The following MTMR8 variants were observed in gnomAD, a reference collection of about 807,000 sequenced individuals.
The protein encoded by MTMR8 is phosphatidylinositol-3,5-bisphosphate 3-phosphatase MTMR8.
In MTMR8, 65 loss-of-function variants were observed where a neutral mutation model predicts 39.3. That is an observed-to-expected ratio of 1.65 (90% confidence interval 1.35 to 2.03). The LOEUF is 2.03. Among genes scored for constraint, MTMR8 ranks in the 30% most tolerant of loss-of-function variants. The probability of loss-of-function intolerance (pLI) is 0.00; values close to 1 mark genes in which losing one functional copy is unlikely to be tolerated. For missense variants in MTMR8, 777 were observed against 538.9 expected, an observed-to-expected ratio of 1.44 and a Z score of -4.37; for synonymous variants, 245 against 185.2, an observed-to-expected ratio of 1.32 and a Z score of -2.62.
At chrX:64,293,420 A>G (rs1262079482) in intron 12 of MTMR8, among the ~76,000 whole-genome samples, 1 of 111,482 alleles carries the variant, frequency 9.0e-6, no homozygotes, top group African/African-American at 3.3e-5. Flanking sequence ...AGTAAACAAA[A>G]GGGGTTACAT....
chrX:64,344,145 A>T (rs933346316), intron 7 of MTMR8, among the ~76,000 whole-genome samples: 3 of 111,682 alleles, frequency 2.7e-5, no homozygotes, highest in Non-Finnish European at 3.8e-5. Flanking sequence ...GGTTGAAAAA[A>T]AAAATACCAG....
intron 12 of MTMR8, among the ~76,000 whole-genome samples, chrX:64,312,028 C>T (rs1922320326): frequency 1.8e-5 from 2 of 110,775 alleles, no homozygotes; most frequent in African/African-American, 6.6e-5. Flanking sequence ...CAGTTTTTTC[C>T]AATTCTGTGA....
intron 12 of MTMR8, among the ~76,000 whole-genome samples, chrX:64,287,881 A>G (rs1219463644): frequency 9.5e-6 from 1 of 105,711 alleles, no homozygotes; most frequent in African/African-American, 3.4e-5. Flanking sequence ...AAACCTAGAC[A>G]ATACCTTTCA....
chrX:64,381,375 C>A (rs1007724155), intron 1 of MTMR8, among the ~76,000 whole-genome samples: 3 of 110,322 alleles, frequency 2.7e-5, no homozygotes, highest in Non-Finnish European at 5.7e-5. Flanking sequence ...TTTCATGTGT[C>A]TTTTGGCTGC....
chrX:64,314,466 G>C (rs1922404704), intron 12 of MTMR8, among the ~76,000 whole-genome samples: 1 of 112,715 alleles, frequency 8.9e-6, no homozygotes, highest in South Asian at 3.7e-4. Context: ...GTGCAGGACT[G>C]TGTCCACCCT....
At chrX:64,332,108 G>A (rs1046575108) in intron 10 of MTMR8, among the ~76,000 whole-genome samples, 17 of 111,985 alleles carry the variant, frequency 1.5e-4, no homozygotes, top group Non-Finnish European at 2.4e-4. Flanking sequence ...CTGTGACTGA[G>A]GAACTGAATT....
Position 64,391,095 on chromosome X carries a change from T to C in MTMR8, c.24+4245A>G, listed in dbSNP as rs924620343. On this transcript the variant is annotated intron_variant, in intron 1 of 13. Coordinates refer to ENST00000374852, the MANE Select transcript of MTMR8 (RefSeq NM_017677.4). ...ATCCCCATTCCTCATTTAGATAATCTTTTAAAAGGTCCTTTCTAACTTTTC... is the reference window on the plus strand; with the variant it reads ...ATCCCCATTCCTCATTTAGATAATCCTTTAAAAGGTCCTTTCTAACTTTTC... Among the ~76,000 whole-genome samples, 11 of 112,472 alleles carry C rather than the reference T, an allele frequency of 9.8e-5. 1 individual carries two copies. Among genetic ancestry groups the C allele is most frequent in the South Asian group, 3.6e-4 (1 of 2,754 alleles).
At chrX:64,327,253 C>A (rs1408344803) in intron 12 of MTMR8, among the ~76,000 whole-genome samples, 11 of 111,530 alleles carry the variant, frequency 9.9e-5, no homozygotes, top group Middle Eastern at 9.3e-3. Flanking sequence ...AGAGATAACC[C>A]ACAGAATGGA....
At chrX:64,347,564 C>A (rs1923375967) in intron 6 of MTMR8, among the ~76,000 whole-genome samples, 1 of 111,922 alleles carries the variant, frequency 8.9e-6, no homozygotes, top group African/African-American at 3.2e-5. Context: ...TCTAAGGCAA[C>A]TATCTGGTTT....
In MTMR8 at chrX:64,268,816, A is replaced by T; in HGVS notation, c.1836T>A (p.Cys612Ter). The change falls in exon 14 of 14, where the codon TGT becomes TGA. Residue 612 changes from cysteine (C) to a stop codon, truncating the protein, a stop_gained. Coordinates refer to ENST00000374852, the MANE Select transcript of MTMR8 (RefSeq NM_017677.4). LOFTEE classifies it low-confidence loss of function (END_TRUNC). ...CCCTAAGGCTGCCCACAATCTCACA[A>T]CAGTTATGGTGGAGGTCTGCACCCT... is the stretch of plus-strand genomic sequence containing the variant. Reference protein sequence around the residue: ...KSQGADLHHNCCEIVGSLRAI... With the variant: ...KSQGADLHHN 1 of 1,211,510 alleles carries T rather than the reference A, an allele frequency of 8.3e-7. No homozygotes were observed. The highest frequency in any genetic ancestry group is 1.1e-6 in the Non-Finnish European group (1 of 895,462).
intron 1 of MTMR8, among the ~76,000 whole-genome samples, chrX:64,387,053 C>T (rs778371157): frequency 1.8e-5 from 2 of 110,525 alleles, no homozygotes; most frequent in South Asian, 7.7e-4. Flanking sequence ...GGCCTTGTCT[C>T]AAAAAAGAAA....
At chrX:64,289,220 C>T (rs1452489773) in intron 12 of MTMR8, among the ~76,000 whole-genome samples, 6 of 110,456 alleles carry the variant, frequency 5.4e-5, no homozygotes, top group Non-Finnish European at 1.1e-4. Context: ...TATCACCTCA[C>T]ACCCATTAGA....
intron 12 of MTMR8, among the ~76,000 whole-genome samples, chrX:64,303,100 TC>T (rs1339719029): frequency 8.9e-6 from 1 of 112,299 alleles, no homozygotes; most frequent in Admixed American, 9.4e-5. Flanking sequence ...GTCACTATAA[TC>T]CCCACCAGGA....
At chrX:64,291,019 T>C (rs1921377297) in intron 12 of MTMR8, among the ~76,000 whole-genome samples, 1 of 111,948 alleles carries the variant, frequency 8.9e-6, no homozygotes, top group South Asian at 3.7e-4. Flanking sequence ...GGCATTTGCA[T>C]ATTCAATTTT....
chrX:64,368,601 A>C (rs1347178485), intron 1 of MTMR8, among the ~76,000 whole-genome samples: 5 of 112,061 alleles, frequency 4.5e-5, no homozygotes, highest in African/African-American at 1.6e-4. Context: ...CTTATACAAA[A>C]ATTAATTCAA....
rs755538462 is a variant in MTMR8 at position 64,352,056 on chromosome X, A to T, written c.469-1986T>A. Among the ~76,000 whole-genome samples, 3 of 111,904 alleles carry T rather than the reference A, an allele frequency of 2.7e-5. No individual in the cohort carries two copies. In the East Asian group the frequency reaches 8.5e-4, roughly 32 times the overall value. Reference sequence around the variant, plus strand: ...GAAAGGCCTACTTGCATTGTGCTTAAAACTGTTTGTACAAACAATGTGGCT... The same window carrying T: ...GAAAGGCCTACTTGCATTGTGCTTATAACTGTTTGTACAAACAATGTGGCT... On this transcript the variant is annotated intron_variant, in intron 4 of 13. Coordinates refer to ENST00000374852, the MANE Select transcript of MTMR8 (RefSeq NM_017677.4).
intron 12 of MTMR8, among the ~76,000 whole-genome samples, chrX:64,326,884 G>GA (rs755994207): frequency 1.6e-4 from 17 of 108,392 alleles, no homozygotes; most frequent in Non-Finnish European, 2.5e-4. Context: ...AGAGAGCCCA[G>GA]AAAAAAAATG....
chrX:64,386,165 T>C, intron 1 of MTMR8, among the ~76,000 whole-genome samples: 1 of 112,126 alleles, frequency 8.9e-6, no homozygotes, highest in Middle Eastern at 4.6e-3. Context: ...GTTTTCCGGT[T>C]CCCACCTTAC....
intron 12 of MTMR8, among the ~76,000 whole-genome samples, chrX:64,302,240 C>G (rs765312266): frequency 4.4e-5 from 5 of 112,532 alleles, no homozygotes; most frequent in Admixed American, 9.3e-5. Flanking sequence ...TAGGACCCTC[C>G]GAGCCAGGTG....
Sources: allele counts gnomAD v4.1 joint callset (sites outside exome capture counted in the v4.1 genomes callset), GRCh38; gene constraint gnomAD v4.1.1; transcripts MANE v1.5; gene names NCBI Gene and HGNC (gene_info 2026-07-23, HGNC 2026-07-21).